SMIM29: variants seen among roughly 807,000 people sequenced by gnomAD.
SMIM29 encodes the protein small integral membrane protein 29, also known as uncharacterized protein C6orf1.
SMIM29 carries 4 observed loss-of-function variants against 12.9 expected under a neutral mutation model. The ratio of observed to expected loss-of-function variants is 0.31; its 90% CI spans 0.15 to 0.71. The LOEUF (loss-of-function observed/expected upper bound fraction) is 0.71, where lower values mean the gene tolerates loss of function less well. Among genes scored for constraint, SMIM29 ranks in the 30% least tolerant of loss-of-function variants. The probability of loss-of-function intolerance (pLI) is 0.70; values close to 1 mark genes in which losing one functional copy is unlikely to be tolerated. For missense variants in SMIM29, 122 were observed against 138.1 expected (o/e 0.88, Z 0.58); for synonymous variants, 50 against 52.0 (o/e 0.96, Z 0.17).
chr6:34,246,883 A>G lies in SMIM29; in HGVS notation c.244-15T>C. The G allele has an allele frequency of 6.2e-7, 1 of 1,602,252 alleles. No homozygotes were observed. On this transcript the variant is annotated splice_polypyrimidine_tract_variant and intron_variant, in intron 4 of 4. Coordinates refer to ENST00000476320, the MANE Select transcript of SMIM29 (RefSeq NM_001008703.4). Reference sequence around the variant, plus strand: ...CCATGTACCACCTGTCGGGGAGGAGACCACACCACAAGGCTGGGCTGTGTT... The same window carrying G: ...CCATGTACCACCTGTCGGGGAGGAGGCCACACCACAAGGCTGGGCTGTGTT...
intron 3 of SMIM29, 53 bp downstream of exon 3, chr6:34,247,414 G>A: frequency 6.7e-7 from 1 of 1,493,754 alleles, no homozygotes; most frequent in Non-Finnish European, 9.1e-7. Flanking sequence ...CCTATGAGCA[G>A]GAATTTCAGA....
chr6:34,247,331 AGGCTG>A, intron 3 of SMIM29, 131 bp downstream of exon 3: 1 of 1,523,052 alleles, frequency 6.6e-7, no homozygotes, highest in Non-Finnish European at 8.9e-7. Context: ...GAGTAACCTG[AGGCTG>A]GGGCAGGGAA....
chr6:34,247,602 T>G, intron 2 of SMIM29, 79 bp downstream of exon 2: 1 of 1,475,132 alleles, frequency 6.8e-7, no homozygotes, highest in Non-Finnish European at 9.0e-7. Context: ...GTGGGGACTC[T>G]GTGCAGACTG....
intron 1 of SMIM29, chr6:34,248,613 A>T (rs950483694): frequency 1.0e-6 from 1 of 985,586 alleles, no homozygotes; most frequent in East Asian, 1.1e-4. Flanking sequence ...GGCAGTTTGC[A>T]CGCTGATGGC....
rs528957052 is a variant in SMIM29, at chr6:34,248,460, C to T, written c.-74+519G>A. 125 of 984,020 alleles carry T rather than the reference C, an allele frequency of 1.3e-4. No homozygotes were observed. In the South Asian group the frequency reaches 1.5e-3, roughly 12 times the overall value. The allele number at this position is 984,020 out of a possible 1,614,324, so 61.0% of individuals were successfully genotyped here. On this transcript the variant is annotated intron_variant, in intron 1 of 4. Transcript: ENST00000476320. Reference sequence around the variant, plus strand: ...CCAGGGTGGACACGAGTGGGTAAAGCTGGATTGTATCTTCAAGATGATGTC... The same window carrying T: ...CCAGGGTGGACACGAGTGGGTAAAGTTGGATTGTATCTTCAAGATGATGTC...
At chr6:34,248,207 C>G in intron 1 of SMIM29, 1 of 985,452 alleles carries the variant, frequency 1.0e-6, no homozygotes, top group Non-Finnish European at 1.2e-6. Context: ...CCTTTTGGGG[C>G]ATTGGGCTGC....
At chr6:34,248,111 G>C in intron 1 of SMIM29, 1 of 985,458 alleles carries the variant, frequency 1.0e-6, no homozygotes. Context: ...AATCAGGGTG[G>C]GGCCCAGCTC....
intron 2 of SMIM29, 77 bp downstream of exon 2, chr6:34,247,604 T>C: frequency 6.8e-7 from 1 of 1,474,962 alleles, no homozygotes; most frequent in South Asian, 1.4e-5. Context: ...GGGGACTCTG[T>C]GCAGACTGGA....
intron 3 of SMIM29, 143 bp from the exon 4 acceptor site, chr6:34,247,292 C>T: frequency 1.9e-6 from 3 of 1,548,590 alleles, no homozygotes; most frequent in Non-Finnish European, 2.6e-6. Flanking sequence ...AGAATACAAC[C>T]CTGATTCTAC....
intron 3 of SMIM29, 129 bp from the exon 4 acceptor site, chr6:34,247,278 T>TC: frequency 5.1e-6 from 8 of 1,560,686 alleles, no homozygotes; most frequent in Non-Finnish European, 6.9e-6. Context: ...ACACTATACC[T>TC]CCAAGAATAC....
chr6:34,248,108 G>A, intron 1 of SMIM29: 9 of 985,464 alleles, frequency 9.1e-6, no homozygotes, highest in Non-Finnish European at 1.1e-5. Context: ...CTAAATCAGG[G>A]TGGGGCCCAG....
In SMIM29 at chr6:34,246,416, A is replaced by C; in HGVS notation, c.*387T>G. ...CCCCTAGCCACAAAACATTTTATTTACAAAATATATACTGAATACTATACA... is the reference window on the plus strand; with the variant it reads ...CCCCTAGCCACAAAACATTTTATTTCCAAAATATATACTGAATACTATACA... On this transcript the variant is annotated 3_prime_UTR_variant, in exon 5 of 5. Coordinates refer to ENST00000476320, the MANE Select transcript of SMIM29 (RefSeq NM_001008703.4). The C allele has an allele frequency of 2.3e-6, 3 of 1,305,158 alleles. No individual in the cohort carries two copies. Among genetic ancestry groups the C allele is most frequent in the Non-Finnish European group, 3.0e-6 (3 of 989,224 alleles). The allele number at this position is 1,305,158 out of a possible 1,614,324, so 80.8% of individuals were successfully genotyped here.
In SMIM29 at chr6:34,246,549, T is replaced by C. The variant is rs767636904; in HGVS notation, c.*254A>G. The stretch of plus-strand genomic sequence containing the variant: ...CAAAGGTGTCTACCAGCCGCCCCCA[T>C]CCCAGAAGGAAAGCCTCTTCCCATG... On this transcript the variant is annotated 3_prime_UTR_variant, in exon 5 of 5. Transcript: ENST00000476320. 1.9e-6 allele frequency: 3 copies of C among 1,577,782 alleles called. No individual in the cohort carries two copies. In the South Asian group the frequency reaches 3.5e-5, roughly 18 times the overall value.
At position 34,246,795 on chromosome 6, in the gene SMIM29, G is replaced by C. The variant is rs781302854; in HGVS notation, c.*8C>G. The C allele has an allele frequency of 1.9e-6, 3 of 1,612,980 alleles. No individual in the cohort carries two copies. The highest frequency in any genetic ancestry group is 3.3e-5 in the Admixed American group (2 of 59,990). On this transcript the variant is annotated 3_prime_UTR_variant, in exon 5 of 5. Coordinates refer to ENST00000476320, the MANE Select transcript of SMIM29 (RefSeq NM_001008703.4). ...CCAGGCTCTGAAGGGTGGGGCAAGGGGGTCAGGTCACGTCTTGACATCCAG... is the reference window on the plus strand; with the variant it reads ...CCAGGCTCTGAAGGGTGGGGCAAGGCGGTCAGGTCACGTCTTGACATCCAG...
Position 34,247,629 on chromosome 6 carries a change from C to T in SMIM29, c.111+52G>A, listed in dbSNP as rs533224312. The T allele has an allele frequency of 9.7e-6, 14 of 1,441,856 alleles. No homozygotes were observed. In the Admixed American group the frequency reaches 3.4e-4, roughly 35 times the overall value. The allele number at this position is 1,441,856 out of a possible 1,614,324, so 89.3% of individuals were successfully genotyped here. On this transcript the variant is annotated intron_variant, in intron 2 of 4. Transcript: ENST00000476320. Reference sequence around the variant, plus strand: ...TGCAGACTGGACCAGGCCCACCCAGCCCCTGCCTTAGCAAAGCTGTGGGTG... The same window carrying T: ...TGCAGACTGGACCAGGCCCACCCAGTCCCTGCCTTAGCAAAGCTGTGGGTG...
chr6:34,248,328 C>T (rs1424840677), intron 1 of SMIM29: 6 of 985,452 alleles, frequency 6.1e-6, no homozygotes, highest in Non-Finnish European at 7.2e-6. Context: ...CATCCTGGTC[C>T]AATCCCACTT....
rs1762822867 is a variant in SMIM29, at chr6:34,247,113, G to A, written c.174C>T (p.Tyr58=). Residue 58 remains tyrosine, a synonymous_variant, in exon 4 of 5, where the codon TAC becomes TAT. Coordinates refer to ENST00000476320, the MANE Select transcript of SMIM29 (RefSeq NM_001008703.4). ...GCAGTTCCTCAGCTGGGTCATAGCT[G>A]TACATGGGGAGCAGGTGATGGCGCA... is the stretch of plus-strand genomic sequence containing the variant. ...DRLRHHLLPM[Y]SYDPAEELHE... 1 of 1,613,994 alleles carries A rather than the reference G, an allele frequency of 6.2e-7. No individual in the cohort carries two copies. Among genetic ancestry groups the A allele is most frequent in the Non-Finnish European group, 8.5e-7 (1 of 1,180,024 alleles).
chr6:34,248,048 G>A, intron 1 of SMIM29, 184 bp from the exon 2 acceptor site: 1 of 985,468 alleles, frequency 1.0e-6, no homozygotes, highest in Non-Finnish European at 1.2e-6. Flanking sequence ...CAGGAAAGGG[G>A]ATCAAGGGAA....
rs752089589 is a variant in SMIM29, at chr6:34,247,470, T to C, written c.134A>G (p.Lys45Arg). The C allele has an allele frequency of 2.4e-5, 38 of 1,578,804 alleles. No individual in the cohort carries two copies. Among genetic ancestry groups the C allele is most frequent in the Middle Eastern group, 1.7e-4 (1 of 6,036 alleles). Reference sequence around the variant, plus strand: ...GGTGGGGGACAGGGACACTCACCGCTTTTTCTTCTGTACATACATTACCTG... The same window carrying C: ...GGTGGGGGACAGGGACACTCACCGCCTTTTCTTCTGTACATACATTACCTG... ...VAVVMYVQKK[K>R]RVDRLRHHLL... Residue 45 changes from lysine (K) to arginine (R), a missense_variant, in exon 3 of 5, where the codon AAG becomes AGG. By Grantham distance (26) the Lys-to-Arg change is conservative. Transcript: ENST00000476320.
Sources: allele counts gnomAD v4.1 joint callset, GRCh38; gene constraint gnomAD v4.1.1; transcripts MANE v1.5; gene names NCBI Gene and HGNC (gene_info 2026-07-23, HGNC 2026-07-21).